The following MAP4K5 variants were observed in gnomAD, a reference collection of about 807,000 sequenced individuals.
MAP4K5 encodes the protein MAPK/ERK kinase kinase kinase 5.
A neutral mutation model predicts 135.6 loss-of-function variants in MAP4K5; 82 were observed. The observed-to-expected ratio is 0.60, with a 90% CI of 0.51 to 0.73. The LOEUF is 0.73. Ranked by LOEUF, MAP4K5 falls within the 30% of genes least tolerant of loss-of-function variation. MAP4K5 has a pLI of 0.00. For synonymous variants in MAP4K5, 347 were observed against 335.0 expected (o/e 1.04, Z -0.39); for missense variants, 907 against 1,010.9 (o/e 0.90, Z 1.39).
In MAP4K5 at chr14:50,532,502, T is replaced by TGCCGTC. The variant is rs2038422203; in HGVS notation, c.-170_-165dup. On this transcript the variant is annotated 5_prime_UTR_variant, in exon 1 of 33. Coordinates refer to ENST00000682126, the MANE Select transcript of MAP4K5 (RefSeq NM_006575.6). ...GCGCGCCGGCCGGCAGCTCCGGGTT[T>TGCCGTC]GCCGTCGCCGCCGCCGCCACTCAGC... is the stretch of plus-strand genomic sequence containing the variant. The TGCCGTC allele has an allele frequency of 6.6e-6, 1 of 152,182 alleles. No individual in the cohort carries two copies. Among genetic ancestry groups the TGCCGTC allele is most frequent in the Middle Eastern group, 3.4e-3 (1 of 292 alleles). 9.4% of individuals were successfully genotyped at this position (152,182 alleles called of 1,614,324 possible).
chr14:50,555,119 G>T (rs922474447), intron 1 of MAP4K5, among the ~76,000 whole-genome samples: 1 of 152,136 alleles, frequency 6.6e-6, no homozygotes, highest in Non-Finnish European at 1.5e-5. Context: ...AGAGAGAATG[G>T]ATATATTCAC....
intron 1 of MAP4K5, among the ~76,000 whole-genome samples, chr14:50,553,723 C>T (rs919538618): frequency 5.3e-5 from 8 of 151,974 alleles, no homozygotes; most frequent in East Asian, 1.9e-4. Flanking sequence ...AACCAATGAG[C>T]GGATAAAGGA....
At chr14:50,427,125 T>C (rs2035864615) in intron 30 of MAP4K5, among the ~76,000 whole-genome samples, 1 of 152,292 alleles carries the variant, frequency 6.6e-6, no homozygotes, top group East Asian at 1.9e-4. Flanking sequence ...CTGTAATTAT[T>C]CCAAGGTTTA....
At chr14:50,451,320 C>T (rs115568934) in intron 14 of MAP4K5, among the ~76,000 whole-genome samples, 4,189 of 151,942 alleles carry the variant, frequency 0.028, 74 homozygotes, top group East Asian at 0.066. Context: ...AAAGCCTCCA[C>T]GACCTGTAGA....
At chr14:50,542,629 C>T (rs1416164004) in intron 1 of MAP4K5, 3 of 152,094 alleles carry the variant, frequency 2.0e-5, no homozygotes, top group Non-Finnish European at 4.4e-5. Flanking sequence ...TCCATTGGAC[C>T]TGCCCTTACT....
chr14:50,557,516 T>C (rs2038778933), intron 1 of MAP4K5, among the ~76,000 whole-genome samples: 1 of 152,236 alleles, frequency 6.6e-6, no homozygotes, highest in Non-Finnish European at 1.5e-5. Flanking sequence ...TATAAAGATC[T>C]TCTGTATTCT....
intron 1 of MAP4K5, among the ~76,000 whole-genome samples, chr14:50,547,975 G>C (rs960078885): frequency 1.3e-5 from 2 of 152,044 alleles, no homozygotes; most frequent in African/African-American, 4.8e-5. Flanking sequence ...CAGTCTCTGT[G>C]TTTCACTGTA....
intron 3 of MAP4K5, among the ~76,000 whole-genome samples, chr14:50,488,344 C>T (rs2037413101): frequency 6.6e-6 from 1 of 152,178 alleles, no homozygotes; most frequent in Non-Finnish European, 1.5e-5. Flanking sequence ...CTGAGAATTA[C>T]AATTCAAGAT....
intron 14 of MAP4K5, among the ~76,000 whole-genome samples, chr14:50,451,851 C>T (rs2139758608): frequency 6.6e-6 from 1 of 152,214 alleles, no homozygotes; most frequent in Middle Eastern, 3.4e-3. Flanking sequence ...GAGACAGAAA[C>T]ACTTACCTCC....
chr14:50,460,340 G>A (rs184918738), intron 13 of MAP4K5, among the ~76,000 whole-genome samples: 5 of 152,212 alleles, frequency 3.3e-5, no homozygotes, highest in South Asian at 2.1e-4. Context: ...TGCCTGGCAC[G>A]TGGTTTTGCA....
chr14:50,426,504 C>T (rs1224736038), intron 30 of MAP4K5, among the ~76,000 whole-genome samples: 3 of 152,160 alleles, frequency 2.0e-5, no homozygotes, highest in Admixed American at 6.6e-5. Flanking sequence ...GTGGGTGGAT[C>T]ACCTGAGGTC....
intron 2 of MAP4K5, among the ~76,000 whole-genome samples, chr14:50,528,523 G>T (rs1239743954): frequency 6.6e-6 from 1 of 150,982 alleles, no homozygotes; most frequent in African/African-American, 2.4e-5. Context: ...TTTGAGACTA[G>T]CTTGGGCAAC....
At chr14:50,444,963 T>C in intron 18 of MAP4K5, 78 bp downstream of exon 18, 1 of 1,434,570 alleles carries the variant, frequency 7.0e-7, no homozygotes, top group Non-Finnish European at 9.4e-7. Flanking sequence ...CTCATTTCAG[T>C]TTTCACTTTG....
intron 6 of MAP4K5, among the ~76,000 whole-genome samples, chr14:50,477,857 C>T (rs1205543753): frequency 6.6e-6 from 1 of 152,128 alleles, no homozygotes; most frequent in Non-Finnish European, 1.5e-5. Context: ...ATTACCTTTG[C>T]TAAACCTTTT....
chr14:50,493,380 C>T (rs1251399400), intron 3 of MAP4K5, among the ~76,000 whole-genome samples: 3 of 152,108 alleles, frequency 2.0e-5, no homozygotes. Flanking sequence ...TGAAGTTCTG[C>T]ATATCACATA....
Position 50,419,758 on chromosome 14 carries a change from CTG to C in MAP4K5, c.*259_*260del, listed in dbSNP as rs896894215. On this transcript the variant is annotated 3_prime_UTR_variant, in exon 33 of 33. Coordinates refer to ENST00000682126, the MANE Select transcript of MAP4K5 (RefSeq NM_006575.6). ...AAACATTGTTTTTTTTAAAAAAAGA[CTG>C]TGTTTCCTGGAACTAGAGGACTATT... is the stretch of plus-strand genomic sequence containing the variant. 3 of 333,198 alleles carry C rather than the reference CTG, an allele frequency of 9.0e-6. No homozygotes were observed. Among genetic ancestry groups the C allele is most frequent in the African/African-American group, 6.2e-5 (3 of 48,198 alleles). The allele number at this position is 333,198 out of a possible 1,614,324, so 20.6% of individuals were successfully genotyped here. A position where few individuals can be genotyped will look rare whatever the true frequency, so the allele number is the denominator to read the frequency against.
intron 23 of MAP4K5, among the ~76,000 whole-genome samples, chr14:50,439,759 C>T (rs1261245406): frequency 6.6e-6 from 1 of 152,038 alleles, no homozygotes; most frequent in African/African-American, 2.4e-5. Flanking sequence ...GGAACGGCCT[C>T]TAGTGATAAG....
intron 3 of MAP4K5, among the ~76,000 whole-genome samples, chr14:50,489,914 T>C (rs1164245465): frequency 6.6e-6 from 1 of 152,192 alleles, no homozygotes; most frequent in Non-Finnish European, 1.5e-5. Context: ...GAGTACATCC[T>C]TACACAGGAA....
At chr14:50,552,048 A>G (rs2038709044) in intron 1 of MAP4K5, among the ~76,000 whole-genome samples, 1 of 152,234 alleles carries the variant, frequency 6.6e-6, no homozygotes, top group Non-Finnish European at 1.5e-5. Context: ...AGGGTATTCA[A>G]ATTGGAAAAG....
Sources: gnomAD v4.1 joint callset for allele counts (sites outside exome capture counted in the v4.1 genomes callset) on GRCh38, gnomAD v4.1.1 for gene constraint, MANE v1.5 for transcripts, NCBI Gene and HGNC (gene_info 2026-07-23, HGNC 2026-07-21) for gene names.